The following RAB40A variants were observed in gnomAD, a reference collection of about 807,000 sequenced individuals.
RAB40A encodes ras-related protein Rab-40A.
For missense variants in RAB40A, 145 were observed against 230.2 expected, an observed-to-expected ratio of 0.63 and a Z score of 2.40; for synonymous variants, 65 against 99.9, an observed-to-expected ratio of 0.65 and a Z score of 2.08.
rs1382796878 is a variant in RAB40A at position 103,500,147 on chromosome X, T to C, written c.610A>G (p.Thr204Ala). The part of the protein sequence containing the change: ...DLCCRTIVSC[T>A]PVHLVDKLPL... ...AGCTTGTCCACCAGATGCACAGGTGTGCAGGACACGATGGTGCGGCAGCAG... is the reference window on the plus strand; with the variant it reads ...AGCTTGTCCACCAGATGCACAGGTGCGCAGGACACGATGGTGCGGCAGCAG... The change falls in exon 3 of 3, where the codon ACA becomes GCA. Residue 204 changes from threonine (T) to alanine (A), a missense_variant. By Grantham distance (58) the Thr-to-Ala change is moderately conservative. Transcript: ENST00000304236. 1 of 1,212,075 alleles carries C rather than the reference T, an allele frequency of 8.3e-7. No homozygotes were observed. Among genetic ancestry groups the C allele is most frequent in the Admixed American group, 2.2e-5 (1 of 46,129 alleles).
intron 2 of RAB40A, among the ~76,000 whole-genome samples, chrX:103,507,426 GA>G (rs1440403647): frequency 9.1e-6 from 1 of 109,572 alleles, no homozygotes; most frequent in Non-Finnish European, 1.9e-5. Context: ...TTTTCCTTTG[GA>G]AAGTGTTTTA....
At chrX:103,516,496 A>T (rs902458525) in intron 2 of RAB40A, among the ~76,000 whole-genome samples, 4 of 111,225 alleles carry the variant, frequency 3.6e-5, no homozygotes, top group African/African-American at 1.3e-4. Context: ...GTATTTTCAC[A>T]TCTCATCTTG....
rs369215990 is a variant in RAB40A at position 103,512,309 on chromosome X, G to GTT, written c.-71+5063_-71+5064dup. Among the ~76,000 whole-genome samples the GTT allele has an allele frequency of 1.1e-4, 11 of 103,912 alleles. No individual in the cohort carries two copies. In the South Asian group the frequency reaches 2.5e-3, roughly 24 times the overall value. 90.2% of individuals were successfully genotyped at this position (103,912 alleles called of 115,157 possible). On this transcript the variant is annotated intron_variant, in intron 2 of 2. Transcript: ENST00000304236. The stretch of plus-strand genomic sequence containing the variant: ...TACAAAGCCTTAGTTTTGGTTAGCT[G>GTT]TTTTTTTTTTTTCTGTGCCCTGATC...
chrX:103,498,432 C>T (rs1158827256), downstream of RAB40A, among the ~76,000 whole-genome samples: 1 of 112,691 alleles, frequency 8.9e-6, no homozygotes, highest in African/African-American at 3.2e-5. Context: ...TCAGTAGTGA[C>T]CCAGGTCAGC....
At chrX:103,505,748 GAC>G (rs775997559) in intron 2 of RAB40A, among the ~76,000 whole-genome samples, 1 of 111,393 alleles carries the variant, frequency 9.0e-6, no homozygotes, top group African/African-American at 3.3e-5. Flanking sequence ...TGTTTTGAAA[GAC>G]AATCTTTAAT....
At chrX:103,513,044 T>G (rs2073299016) in intron 2 of RAB40A, among the ~76,000 whole-genome samples, 1 of 111,432 alleles carries the variant, frequency 9.0e-6, no homozygotes, top group South Asian at 3.8e-4. Context: ...AAAGTATGAA[T>G]CTATATACAT....
intron 2 of RAB40A, among the ~76,000 whole-genome samples, chrX:103,515,879 C>T (rs1371023069): frequency 8.9e-6 from 1 of 112,228 alleles, no homozygotes; most frequent in Non-Finnish European, 1.9e-5. Context: ...GAATGACACA[C>T]CAAATACCGT....
intron 2 of RAB40A, among the ~76,000 whole-genome samples, chrX:103,504,369 T>C (rs1410679944): frequency 9.0e-6 from 1 of 111,599 alleles, no homozygotes; most frequent in Non-Finnish European, 1.9e-5. Flanking sequence ...CTGCCTCCTA[T>C]AATGAAGAAA....
chrX:103,508,248 G>A lies in RAB40A; in HGVS notation c.-70-7422C>T, dbSNP rs777901373. 2.9e-3 allele frequency among the ~76,000 whole-genome samples: 324 copies of A among 111,622 alleles called. 2 individuals are homozygous for A. The highest frequency in any genetic ancestry group is 9.7e-3 in the African/African-American group (296 of 30,656). ...GGACCTGTGGGGCCACAATAGCAGG[G>A]GAGTGGAATCTGACCATTTCTCAAG... On this transcript the variant is annotated intron_variant, in intron 2 of 2. Coordinates refer to ENST00000304236, the MANE Select transcript of RAB40A (RefSeq NM_080879.3).
At position 103,500,737 on chromosome X, in the gene RAB40A, G is replaced by A; in HGVS notation, c.20C>T (p.Pro7Leu). ...GAGCAGGAAGTCATAGGCCTGGTCG[G>A]GGCTGCCCGGGGCGCTCATGGTGCT... is the stretch of plus-strand genomic sequence containing the variant. MSAPGS[P>L]DQAYDFLLKF... Residue 7 changes from proline (P) to leucine (L), a missense_variant, in exon 3 of 3, where the codon CCC (proline) becomes CTC (leucine). Coordinates refer to ENST00000304236, the MANE Select transcript of RAB40A (RefSeq NM_080879.3). 1 of 1,209,617 alleles carries A rather than the reference G, an allele frequency of 8.3e-7. No individual in the cohort carries two copies. The highest frequency in any genetic ancestry group is 1.1e-6 in the Non-Finnish European group (1 of 894,447).
chrX:103,509,385 TCTCCCCTTTCCTTCCCTCCCCTCTC>T (rs1433473417), intron 2 of RAB40A, among the ~76,000 whole-genome samples: 2 of 55,092 alleles, frequency 3.6e-5, no homozygotes, highest in African/African-American at 1.7e-4. Flanking sequence ...TTCTTTCTCC[TCTCCCCTTTCCTTCCCTCCCCTCTC>T]CTCCCCTTTC....
chrX:103,496,534 C>T (rs1161607091), downstream of RAB40A, among the ~76,000 whole-genome samples: 3 of 112,193 alleles, frequency 2.7e-5, no homozygotes, highest in South Asian at 3.7e-4. Flanking sequence ...TATTTAACCA[C>T]GACAAATTTT....
At chrX:103,510,544 T>C (rs2073283712) in intron 2 of RAB40A, among the ~76,000 whole-genome samples, 1 of 112,452 alleles carries the variant, frequency 8.9e-6, no homozygotes, top group Non-Finnish European at 1.9e-5. Context: ...GAATGAAACT[T>C]TGTCTTTCAC....
intron 2 of RAB40A, among the ~76,000 whole-genome samples, chrX:103,512,503 T>C (rs980927849): frequency 3.6e-5 from 4 of 111,655 alleles, no homozygotes; most frequent in African/African-American, 1.3e-4. Context: ...CGCTCCTCTT[T>C]ATAGATGGTG....
At position 103,500,310 on chromosome X, in the gene RAB40A, A is replaced by G. The variant is rs764510804; in HGVS notation, c.447T>C (p.Gly149=). The change falls in exon 3 of 3, where the codon GGT becomes GGC. Residue 149 remains glycine, a synonymous_variant. Transcript: ENST00000304236. ...GAGGGCTGACCTCAAAGAAGGTCAC[A>G]CCCAGGCGCTCGGCGTAGGCCTGGG... ...EQAQAYAERL[G]VTFFEVSPLC... 1,865 of 1,209,591 alleles carry G rather than the reference A, an allele frequency of 1.5e-3. 12 individuals are homozygous for G. In the African/African-American group the frequency reaches 0.016, roughly 10 times the overall value.
intron 2 of RAB40A, among the ~76,000 whole-genome samples, chrX:103,513,881 T>A (rs2073303501): frequency 9.3e-6 from 1 of 108,026 alleles, no homozygotes; most frequent in South Asian, 3.9e-4. Flanking sequence ...GCTAAAGAGC[T>A]CCTGTCTCAA....
intron 2 of RAB40A, chrX:103,502,709 T>A (rs748379780): frequency 9.2e-6 from 7 of 763,163 alleles, no homozygotes; most frequent in Non-Finnish European, 1.1e-5. Context: ...GTGCTCAGGG[T>A]CCTTTAGGGA....
chrX:103,507,582 A>T (rs2073262807), intron 2 of RAB40A, among the ~76,000 whole-genome samples: 1 of 99,924 alleles, frequency 1.0e-5, no homozygotes, highest in Non-Finnish European at 1.9e-5. Context: ...AATGAAAATA[A>T]CAACTGAAAA....
chrX:103,513,820 T>C, intron 2 of RAB40A, among the ~76,000 whole-genome samples: 1 of 109,834 alleles, frequency 9.1e-6, no homozygotes, highest in East Asian at 2.8e-4. Context: ...TAGCGTGCTG[T>C]GATTGTGCCT....
Sources: gnomAD v4.1 joint callset for allele counts (sites outside exome capture counted in the v4.1 genomes callset) on GRCh38, gnomAD v4.1.1 for gene constraint, MANE v1.5 for transcripts, NCBI Gene and HGNC (gene_info 2026-07-23, HGNC 2026-07-21) for gene names.